The following NGLY1 variants were observed in gnomAD, a reference collection of about 807,000 sequenced individuals.
NGLY1 encodes peptide-N(4)-(N-acetyl-beta-glucosaminyl)asparagine amidase.
In NGLY1, 68 loss-of-function variants were observed where a neutral mutation model predicts 84.6. The observed-to-expected ratio is 0.80, with a 90% CI of 0.66 to 0.98. The LOEUF (loss-of-function observed/expected upper bound fraction) is 0.98, where lower values mean the gene tolerates loss of function less well. Ranked by LOEUF, NGLY1 falls within the 50% of genes least tolerant of loss-of-function variation. The probability of loss-of-function intolerance (pLI) is 0.00; values close to 1 mark genes in which losing one functional copy is unlikely to be tolerated. For missense variants in NGLY1, 779 were observed against 770.2 expected (o/e 1.01, Z -0.14); for synonymous variants, 280 against 275.2 (o/e 1.02, Z -0.17).
chr3:25,776,514 C>T (rs113136556), intron 2 of NGLY1, among the ~76,000 whole-genome samples: 40 of 152,262 alleles, frequency 2.6e-4, no homozygotes, highest in African/African-American at 9.4e-4. Context: ...TAATTTATAT[C>T]CCCTGCCTAA....
chr3:25,744,226 C>A (rs1706303787), intron 4 of NGLY1, among the ~76,000 whole-genome samples: 1 of 152,190 alleles, frequency 6.6e-6, no homozygotes, highest in East Asian at 1.9e-4. Flanking sequence ...CATATCTTCA[C>A]ATACAATTTA....
intron 10 of NGLY1, among the ~76,000 whole-genome samples, chr3:25,720,858 T>C (rs1704950926): frequency 6.6e-6 from 1 of 152,178 alleles, no homozygotes; most frequent in African/African-American, 2.4e-5. Flanking sequence ...ACAGCCTTGG[T>C]CTTTCACAGG....
At chr3:25,721,008 C>G (rs1704961381) in intron 10 of NGLY1, among the ~76,000 whole-genome samples, 1 of 152,248 alleles carries the variant, frequency 6.6e-6, no homozygotes, top group Admixed American at 6.5e-5. Flanking sequence ...ACTGCACTTA[C>G]TACTACAGTT....
At chr3:25,743,051 G>A (rs1385186623) in intron 4 of NGLY1, among the ~76,000 whole-genome samples, 5 of 152,022 alleles carry the variant, frequency 3.3e-5, no homozygotes, top group Non-Finnish European at 5.9e-5. Context: ...TGTGAAGATG[G>A]GACAGAGAGA....
chr3:25,746,425 T>C (rs141050947), intron 4 of NGLY1, among the ~76,000 whole-genome samples: 1 of 152,242 alleles, frequency 6.6e-6, no homozygotes, highest in Non-Finnish European at 1.5e-5. Context: ...TAAATACACA[T>C]ACTCCAATGT....
At chr3:25,739,150 TG>T (rs898894831) in intron 5 of NGLY1, among the ~76,000 whole-genome samples, 2 of 152,208 alleles carry the variant, frequency 1.3e-5, no homozygotes, top group African/African-American at 4.8e-5. Context: ...TTATAAGTAT[TG>T]TTAGCTATCA....
At chr3:25,728,967 C>T (rs1440515111) in intron 10 of NGLY1, among the ~76,000 whole-genome samples, 166 bp downstream of exon 10, 1 of 151,958 alleles carries the variant, frequency 6.6e-6, no homozygotes, top group Non-Finnish European at 1.5e-5. Context: ...TTCTAGTGGA[C>T]TTTTGATTAC....
chr3:25,754,871 T>G (rs1328293557), intron 3 of NGLY1: 1 of 602,758 alleles, frequency 1.7e-6, no homozygotes, highest in South Asian at 1.8e-5. Context: ...AATGACCAAC[T>G]AAGTTAAAGA....
chr3:25,762,929 G>C (rs1040058172), intron 3 of NGLY1, among the ~76,000 whole-genome samples: 15 of 152,042 alleles, frequency 9.9e-5, no homozygotes, highest in Admixed American at 3.3e-4. Context: ...ATTCTAGCCT[G>C]GGCAACAAGA....
chr3:25,769,598 G>T (rs1022421035), intron 2 of NGLY1, among the ~76,000 whole-genome samples: 1 of 151,962 alleles, frequency 6.6e-6, no homozygotes, highest in African/African-American at 2.4e-5. Flanking sequence ...TTCCTAGTGG[G>T]TATACAAATT....
At chr3:25,782,971 C>T (rs927800982) in intron 1 of NGLY1, 3 of 367,088 alleles carry the variant, frequency 8.2e-6, no homozygotes, top group Non-Finnish European at 1.5e-5. Flanking sequence ...ACCTCTCCTC[C>T]GCCCGGCCCC....
intron 4 of NGLY1, among the ~76,000 whole-genome samples, chr3:25,740,319 T>G (rs1706065912): frequency 6.6e-6 from 1 of 152,088 alleles, no homozygotes; most frequent in African/African-American, 2.4e-5. Flanking sequence ...TGGATACTCA[T>G]CCCCAAACAC....
chr3:25,784,422 T>A (rs967680697), upstream of NGLY1, among the ~76,000 whole-genome samples: 1 of 152,214 alleles, frequency 6.6e-6, no homozygotes, highest in Non-Finnish European at 1.5e-5. Context: ...TTTTGTGACT[T>A]GTTTTTTAGG....
At chr3:25,722,306 G>T (rs1705042395) in intron 10 of NGLY1, among the ~76,000 whole-genome samples, 2 of 149,172 alleles carry the variant, frequency 1.3e-5, no homozygotes, top group African/African-American at 2.5e-5. Flanking sequence ...TGTTAGACTT[G>T]ATCTTTTTAG....
chr3:25,727,418 C>T (rs761895866), intron 10 of NGLY1, among the ~76,000 whole-genome samples: 2 of 152,136 alleles, frequency 1.3e-5, no homozygotes, highest in African/African-American at 4.8e-5. Context: ...TCTTGAAATA[C>T]GCCACGTACT....
intron 4 of NGLY1, among the ~76,000 whole-genome samples, chr3:25,748,711 C>T (rs1393319088): frequency 2.0e-5 from 3 of 152,092 alleles, no homozygotes; most frequent in Non-Finnish European, 2.9e-5. Flanking sequence ...AATAATGTCT[C>T]TCTACTCATA....
At chr3:25,773,686 AC>A (rs1322061113) in intron 2 of NGLY1, among the ~76,000 whole-genome samples, 6 of 151,772 alleles carry the variant, frequency 4.0e-5, no homozygotes, top group African/African-American at 1.5e-4. Flanking sequence ...ATGTTAAAGA[AC>A]CCTGTTTTGT....
chr3:25,749,594 C>T lies in NGLY1; in HGVS notation c.658+1504G>A, dbSNP rs183309245. 9.0e-5 allele frequency: 134 copies of T among 1,489,380 alleles called. 1 individual carries two copies. The Middle Eastern group carries it at 1.4e-3, about 15-fold the overall frequency. The allele number at this position is 1,489,380 out of a possible 1,614,324, so 92.3% of individuals were successfully genotyped here. On this transcript the variant is annotated intron_variant, in intron 4 of 11. Coordinates refer to ENST00000280700, the MANE Select transcript of NGLY1 (RefSeq NM_018297.4). ...TATGTCAAAAATTAAGTGTAACTGGCGGAAACCCAGAGGTATTGACGACAG... is the reference window on the plus strand; with the variant it reads ...TATGTCAAAAATTAAGTGTAACTGGTGGAAACCCAGAGGTATTGACGACAG...
upstream of NGLY1, among the ~76,000 whole-genome samples, chr3:25,786,512 G>T (rs568400929): frequency 6.6e-6 from 1 of 152,222 alleles, no homozygotes; most frequent in South Asian, 2.1e-4. Context: ...TAAAAGTTAG[G>T]GTAGCTTATT....
Sources: gnomAD v4.1 joint callset for allele counts (sites outside exome capture counted in the v4.1 genomes callset) on GRCh38, gnomAD v4.1.1 for gene constraint, MANE v1.5 for transcripts, NCBI Gene and HGNC (gene_info 2026-07-23, HGNC 2026-07-21) for gene names.